Variants in IGF2BP3 observed in about 807,000 individuals in gnomAD.
IGF2BP3 encodes the protein insulin-like growth factor 2 mRNA-binding protein 3.
In IGF2BP3, 9 loss-of-function variants were observed where a neutral mutation model predicts 73.8. The ratio of observed to expected loss-of-function variants is 0.12; its 90% CI spans 0.07 to 0.21. The LOEUF is 0.21. IGF2BP3 is among the 10% of genes least tolerant of loss of function. The pLI is 1.00. For missense variants in IGF2BP3, 542 were observed against 714.0 expected (o/e 0.76, Z 2.75); for synonymous variants, 258 against 256.7 (o/e 1.01, Z -0.05).
At chr7:23,323,586 G>A (rs1784216330) in intron 10 of IGF2BP3, among the ~76,000 whole-genome samples, 1 of 149,338 alleles carries the variant, frequency 6.7e-6, no homozygotes, top group Admixed American at 6.6e-5. Context: ...GACATCTACA[G>A]AACTCTCTAC....
intron 3 of IGF2BP3, chr7:23,413,680 G>C (rs553505376): frequency 1.2e-4 from 18 of 152,226 alleles, no homozygotes; most frequent in African/African-American, 4.3e-4. Context: ...CTTCCCCTGT[G>C]GCATCTGAAC....
chr7:23,393,092 T>C (rs1042694715), intron 3 of IGF2BP3, among the ~76,000 whole-genome samples: 10 of 152,254 alleles, frequency 6.6e-5, no homozygotes, highest in Middle Eastern at 3.4e-3. Context: ...TTAACCCACC[T>C]TTGCTTCTGT....
At chr7:23,324,045 G>A (rs1012866661) in intron 10 of IGF2BP3, among the ~76,000 whole-genome samples, 54 of 152,250 alleles carry the variant, frequency 3.5e-4, no homozygotes, top group South Asian at 6.2e-4. Context: ...TCAAAAGCTA[G>A]CAGAAGGCAA....
chr7:23,366,662 A>G (rs1467386968), intron 3 of IGF2BP3, among the ~76,000 whole-genome samples: 3 of 152,038 alleles, frequency 2.0e-5, no homozygotes, highest in African/African-American at 7.2e-5. Flanking sequence ...TAACAACACA[A>G]CTTAGGAGAT....
At chr7:23,368,008 C>A (rs199562160) in intron 3 of IGF2BP3, among the ~76,000 whole-genome samples, 10,312 of 148,616 alleles carry the variant, frequency 0.069, 498 homozygotes, top group Middle Eastern at 0.11. Context: ...TATTTAAAAA[C>A]AAAAAAAAAC....
At chr7:23,377,438 C>T (rs1785763385) in intron 3 of IGF2BP3, among the ~76,000 whole-genome samples, 1 of 152,078 alleles carries the variant, frequency 6.6e-6, no homozygotes, top group South Asian at 2.1e-4. Flanking sequence ...CGCTTCACAC[C>T]CACTAGGATG....
At chr7:23,384,416 T>G (rs1786016966) in intron 3 of IGF2BP3, among the ~76,000 whole-genome samples, 1 of 152,188 alleles carries the variant, frequency 6.6e-6, no homozygotes, top group Non-Finnish European at 1.5e-5. Flanking sequence ...AACCACTGAT[T>G]TGTACACTTT....
intron 3 of IGF2BP3, among the ~76,000 whole-genome samples, chr7:23,400,375 T>G (rs922697432): frequency 6.6e-6 from 1 of 152,174 alleles, no homozygotes; most frequent in Non-Finnish European, 1.5e-5. Context: ...GTTTTGGACT[T>G]AGAGAGCCAC....
intron 2 of IGF2BP3, among the ~76,000 whole-genome samples, chr7:23,423,793 A>C (rs1314348047): frequency 6.6e-6 from 1 of 152,112 alleles, no homozygotes; most frequent in Non-Finnish European, 1.5e-5. Context: ...CAAAAACCCC[A>C]AAATATTGAA....
rs536090725 is a variant in IGF2BP3 at position 23,417,801 on chromosome 7, TTATAACCCACCG to T, written c.285+963_285+974del. 1.0e-3 allele frequency among the ~76,000 whole-genome samples: 154 copies of T among 152,332 alleles called. 1 individual carries two copies. The highest frequency in any genetic ancestry group is 3.5e-3 in the African/African-American group (145 of 41,588). On this transcript the variant is annotated intron_variant, in intron 3 of 14. Coordinates refer to ENST00000258729, the MANE Select transcript of IGF2BP3 (RefSeq NM_006547.3). ...ACAGGAACATGTAAAAAGTTTAATC[TTATAACCCACCG>T]TTTCCATCTATAAAGTATATTTTTA...
At chr7:23,430,273 C>T (rs1300150886) in intron 2 of IGF2BP3, among the ~76,000 whole-genome samples, 2 of 152,076 alleles carry the variant, frequency 1.3e-5, no homozygotes, top group African/African-American at 4.8e-5. Context: ...TTAGTAGAGA[C>T]GGGGTTTCAC....
chr7:23,317,595 G>A (rs140128712), intron 12 of IGF2BP3, 44 bp downstream of exon 12: 6 of 1,442,962 alleles, frequency 4.2e-6, no homozygotes, highest in Non-Finnish European at 5.9e-6. Flanking sequence ...GACTACCTGT[G>A]CATTTGTTAC....
At chr7:23,365,579 T>C (rs566330406) in intron 3 of IGF2BP3, 1 of 152,248 alleles carries the variant, frequency 6.6e-6, no homozygotes, top group Admixed American at 6.5e-5. Flanking sequence ...CGGGGGACAA[T>C]CCTTTCATGC....
At chr7:23,423,341 G>T (rs1372533935) in intron 2 of IGF2BP3, among the ~76,000 whole-genome samples, 1 of 152,152 alleles carries the variant, frequency 6.6e-6, no homozygotes, top group Non-Finnish European at 1.5e-5. Flanking sequence ...CTGCTTCTTT[G>T]GTCATGTTCC....
chr7:23,400,863 G>T (rs373153665), intron 3 of IGF2BP3, among the ~76,000 whole-genome samples: 1 of 152,222 alleles, frequency 6.6e-6, no homozygotes, highest in Non-Finnish European at 1.5e-5. Flanking sequence ...GCAGAGGCAC[G>T]ATCTTGGCCC....
At chr7:23,444,387 G>A (rs1311803632) in intron 2 of IGF2BP3, among the ~76,000 whole-genome samples, 1 of 152,088 alleles carries the variant, frequency 6.6e-6, no homozygotes, top group East Asian at 1.9e-4. Flanking sequence ...TACTTTAATA[G>A]TATTTAACAT....
chr7:23,442,692 C>A (rs934267554), intron 2 of IGF2BP3, among the ~76,000 whole-genome samples: 1 of 152,074 alleles, frequency 6.6e-6, no homozygotes, highest in Non-Finnish European at 1.5e-5. Context: ...GCTACCGAGC[C>A]CAGTCTGTTT....
chr7:23,340,992 G>C (rs1366269289), intron 10 of IGF2BP3, among the ~76,000 whole-genome samples: 1 of 151,870 alleles, frequency 6.6e-6, no homozygotes, highest in Non-Finnish European at 1.5e-5. Flanking sequence ...TGGGATTACA[G>C]GCACCTGCCA....
chr7:23,324,843 C>A (rs1784250671), intron 10 of IGF2BP3, among the ~76,000 whole-genome samples: 1 of 132,424 alleles, frequency 7.6e-6, no homozygotes, highest in Non-Finnish European at 1.6e-5. Flanking sequence ...TCAATAGATG[C>A]AGAAAAGGCC....
Sources: gnomAD v4.1 joint callset for allele counts (sites outside exome capture counted in the v4.1 genomes callset) on GRCh38, gnomAD v4.1.1 for gene constraint, MANE v1.5 for transcripts, NCBI Gene and HGNC (gene_info 2026-07-23, HGNC 2026-07-21) for gene names.